Variants in PSMB7 observed in about 807,000 individuals in gnomAD.
The protein encoded by PSMB7 is proteasome subunit beta type-7.
PSMB7 carries 5 observed loss-of-function variants against 28.1 expected under a neutral mutation model. The observed-to-expected ratio is 0.18, with a 90% CI of 0.09 to 0.37. The LOEUF (loss-of-function observed/expected upper bound fraction) is 0.37. Among genes scored for constraint, PSMB7 ranks in the 10% least tolerant of loss-of-function variants. The probability of loss-of-function intolerance (pLI) is 1.00; values close to 1 mark genes in which losing one functional copy is unlikely to be tolerated. For synonymous variants in PSMB7, 122 were observed against 123.7 expected (o/e 0.99, Z 0.09); for missense variants, 275 against 346.2 (o/e 0.79, Z 1.63).
At chr9:124,388,000 G>A (rs1203843867) in intron 5 of PSMB7, among the ~76,000 whole-genome samples, 1 of 151,994 alleles carries the variant, frequency 6.6e-6, no homozygotes, top group African/African-American at 2.4e-5. Context: ...TAAATCACCA[G>A]TCAAATGCCA....
At chr9:124,362,585 G>C (rs1830473004) in intron 6 of PSMB7, among the ~76,000 whole-genome samples, 1 of 152,228 alleles carries the variant, frequency 6.6e-6, no homozygotes, top group Non-Finnish European at 1.5e-5. Flanking sequence ...AGGCAGGGGA[G>C]GGTTGGGGAG....
At position 124,353,481 on chromosome 9, in the gene PSMB7, G is replaced by C; in HGVS notation, c.*117C>G. 1 of 806,380 alleles carries C rather than the reference G, an allele frequency of 1.2e-6. No homozygotes were observed. The highest frequency in any genetic ancestry group is 2.0e-6 in the Non-Finnish European group (1 of 488,234). 50.0% of individuals were successfully genotyped at this position (806,380 alleles called of 1,614,324 possible). A position where few individuals can be genotyped will look rare whatever the true frequency, so the allele number is the denominator to read the frequency against. On this transcript the variant is annotated 3_prime_UTR_variant, in exon 8 of 8. Coordinates refer to ENST00000259457, the MANE Select transcript of PSMB7 (RefSeq NM_002799.4). ...GCCCAGACCTCAGCTGCCCAATTTGGTTTTTGTTTTTTATTGAGTTGAGTT... is the reference window on the plus strand; with the variant it reads ...GCCCAGACCTCAGCTGCCCAATTTGCTTTTTGTTTTTTATTGAGTTGAGTT...
At chr9:124,414,132 C>G in intron 2 of PSMB7, 127 bp from the exon 3 acceptor site, 3 of 580,590 alleles carry the variant, frequency 5.2e-6, no homozygotes, top group Non-Finnish European at 9.1e-6. Context: ...CCAGCCAAAA[C>G]TCATAGCAAA....
intron 5 of PSMB7, among the ~76,000 whole-genome samples, chr9:124,391,285 G>A (rs950049376): frequency 6.6e-6 from 1 of 152,210 alleles, no homozygotes; most frequent in Non-Finnish European, 1.5e-5. Flanking sequence ...CTGGGATTCT[G>A]AAGCCAGATC....
intron 5 of PSMB7, chr9:124,396,996 T>C (rs1453619437): frequency 3.0e-6 from 1 of 337,066 alleles, no homozygotes; most frequent in Non-Finnish European, 6.1e-6. Flanking sequence ...CGATCACCAG[T>C]AGCCTCTTCC....
chr9:124,414,005 C>A lies in PSMB7; in HGVS notation c.157G>T (p.Asp53Tyr). ...GTTIAGVVYK[D>Y]GIVLGADTRA... The stretch of plus-strand genomic sequence containing the variant: ...GTATCTGCTCCAAGAACTATGCCAT[C>A]CTATTAAAAAAAAAAGTTTTTAAAC... Residue 53 changes from aspartate to tyrosine, a missense_variant and splice_region_variant, in exon 3 of 8, where the codon GAT (aspartate) becomes TAT (tyrosine). Around this residue, in one of 2 missense-constraint regions of PSMB7, gnomAD observed 213 missense variants for 302.4 expected, o/e 0.70. Coordinates refer to ENST00000259457, the MANE Select transcript of PSMB7 (RefSeq NM_002799.4). The A allele has an allele frequency of 6.2e-7, 1 of 1,604,288 alleles. No homozygotes were observed. Among genetic ancestry groups the A allele is most frequent in the African/African-American group, 1.3e-5 (1 of 74,610 alleles).
At chr9:124,380,171 G>A (rs1161294102) in intron 6 of PSMB7, among the ~76,000 whole-genome samples, 1 of 152,238 alleles carries the variant, frequency 6.6e-6, no homozygotes, top group East Asian at 1.9e-4. Context: ...ACAGTGAGCA[G>A]ACAAGAATGG....
intron 6 of PSMB7, among the ~76,000 whole-genome samples, chr9:124,371,305 T>G (rs7854989): frequency 6.6e-6 from 1 of 152,062 alleles, no homozygotes; most frequent in Admixed American, 6.5e-5. Flanking sequence ...CGGTCCTATA[T>G]TTCATTTCTT....
At chr9:124,409,981 G>A (rs1831011457) in intron 4 of PSMB7, among the ~76,000 whole-genome samples, 1 of 150,602 alleles carries the variant, frequency 6.6e-6, no homozygotes, top group Non-Finnish European at 1.5e-5. Context: ...ACTAAAAAAT[G>A]ACAAAACACT....
At chr9:124,413,627 G>C (rs534883582) in intron 3 of PSMB7, among the ~76,000 whole-genome samples, 1 of 152,136 alleles carries the variant, frequency 6.6e-6, no homozygotes, top group Admixed American at 6.5e-5. Flanking sequence ...AAAAGAAAAA[G>C]AAAAAAGAAC....
intron 4 of PSMB7, among the ~76,000 whole-genome samples, chr9:124,408,448 T>G (rs1050481491): frequency 1.3e-5 from 2 of 152,146 alleles, no homozygotes; most frequent in African/African-American, 4.8e-5. Context: ...TGTTTAAAAA[T>G]TGGTTAAGTT....
intron 5 of PSMB7, among the ~76,000 whole-genome samples, chr9:124,388,073 AAC>A (rs1830744379): frequency 6.6e-6 from 1 of 152,166 alleles, no homozygotes; most frequent in African/African-American, 2.4e-5. Context: ...TTTCCCTATA[AAC>A]CACTAATAAT....
At chr9:124,412,889 C>T (rs1831043709) in intron 3 of PSMB7, among the ~76,000 whole-genome samples, 1 of 151,970 alleles carries the variant, frequency 6.6e-6, no homozygotes, top group African/African-American at 2.4e-5. Flanking sequence ...ATATGAGAGG[C>T]CTTGTGCTCA....
intron 5 of PSMB7, among the ~76,000 whole-genome samples, chr9:124,387,829 A>G (rs979373945): frequency 3.3e-5 from 5 of 152,126 alleles, no homozygotes; most frequent in African/African-American, 4.8e-5. Flanking sequence ...CTGAAGTGAC[A>G]AGAGAACATA....
intron 2 of PSMB7, 85 bp downstream of exon 2, chr9:124,414,757 C>A (rs903792992): frequency 2.0e-5 from 23 of 1,162,046 alleles, no homozygotes; most frequent in Non-Finnish European, 2.9e-5. Flanking sequence ...CTTTCCAGAC[C>A]GAGCCGGGAG....
Position 124,406,066 on chromosome 9 carries a change from C to G in PSMB7, c.396-634G>C, listed in dbSNP as rs537403910. On this transcript the variant is annotated intron_variant, in intron 4 of 7. Coordinates refer to ENST00000259457, the MANE Select transcript of PSMB7 (RefSeq NM_002799.4). The stretch of plus-strand genomic sequence containing the variant: ...AACCCAGAGACATTAAGAACTTGCC[C>G]GGTCTCAGAACCAAATTGGACTGAC... 1.8e-4 allele frequency among the ~76,000 whole-genome samples: 27 copies of G among 152,256 alleles called. No homozygotes were observed. In the South Asian group the frequency reaches 5.6e-3, roughly 32 times the overall value.
chr9:124,381,123 G>A (rs528078917), intron 6 of PSMB7, among the ~76,000 whole-genome samples: 17 of 152,226 alleles, frequency 1.1e-4, no homozygotes, highest in South Asian at 4.1e-4. Context: ...CATTTCAAAC[G>A]CTCGATAACC....
chr9:124,413,597 G>A (rs1165731040), intron 3 of PSMB7, among the ~76,000 whole-genome samples: 4 of 152,036 alleles, frequency 2.6e-5, no homozygotes, highest in East Asian at 1.9e-4. Flanking sequence ...AACCTCTATG[G>A]TTCAAGTTAA....
intron 6 of PSMB7, among the ~76,000 whole-genome samples, chr9:124,361,953 G>A (rs1363134336): frequency 6.6e-6 from 1 of 152,228 alleles, no homozygotes; most frequent in African/African-American, 2.4e-5. Flanking sequence ...AGAGAAAAAT[G>A]TAGCTGTGCC....
Sources: gnomAD v4.1 joint callset for allele counts (sites outside exome capture counted in the v4.1 genomes callset) on GRCh38, gnomAD v4.1.1 for gene constraint, gnomAD v4.1.1 regional missense constraint, MANE v1.5 for transcripts, NCBI Gene and HGNC (gene_info 2026-07-23, HGNC 2026-07-21) for gene names.